Variants in KCNIP4 observed in about 807,000 individuals in gnomAD.
The protein encoded by KCNIP4 is potassium voltage-gated channel interacting protein 4.
Under a neutral mutation model 34.0 loss-of-function variants are expected in KCNIP4, and 12 were observed. The observed-to-expected ratio is 0.35, with a 90% CI of 0.23 to 0.57. KCNIP4 has a LOEUF of 0.57. Ranked by LOEUF, KCNIP4 falls within the 20% of genes least tolerant of loss-of-function variation. The pLI, the probability that KCNIP4 is intolerant of heterozygous loss-of-function variation, is 0.83. For missense variants in KCNIP4, 238 were observed against 311.7 expected, an observed-to-expected ratio of 0.76 and a Z score of 1.78; for synonymous variants, 124 against 102.2, an observed-to-expected ratio of 1.21 and a Z score of -1.29.
intron 3 of KCNIP4, among the ~76,000 whole-genome samples, chr4:20,838,074 T>A (rs1719288265): frequency 6.6e-6 from 1 of 152,136 alleles, no homozygotes; most frequent in Admixed American, 6.6e-5. Context: ...CATAGCAGTC[T>A]TATTACCACC....
At chr4:20,949,160 A>G (rs1233826665) in intron 1 of KCNIP4, among the ~76,000 whole-genome samples, 1 of 152,228 alleles carries the variant, frequency 6.6e-6, no homozygotes, top group Non-Finnish European at 1.5e-5. Flanking sequence ...GACTGCTCGC[A>G]TGAGAGGGAG....
At chr4:21,724,762 T>C (rs1715071718) in intron 1 of KCNIP4, among the ~76,000 whole-genome samples, 1 of 152,100 alleles carries the variant, frequency 6.6e-6, no homozygotes, top group Non-Finnish European at 1.5e-5. Context: ...GAAGAGATGA[T>C]GGAGACTGAA....
intron 3 of KCNIP4, among the ~76,000 whole-genome samples, chr4:20,839,392 A>C (rs1719452139): frequency 6.6e-6 from 1 of 151,618 alleles, no homozygotes; most frequent in African/African-American, 2.4e-5. Context: ...ATCTCTATAT[A>C]TCTATACACA....
At chr4:20,791,610 A>C (rs1387017680) in intron 3 of KCNIP4, among the ~76,000 whole-genome samples, 1 of 152,200 alleles carries the variant, frequency 6.6e-6, no homozygotes, top group East Asian at 1.9e-4. Flanking sequence ...GAAAAGTTAA[A>C]GATGTTTGCT....
At chr4:20,901,300 T>C (rs1201714370) in intron 1 of KCNIP4, among the ~76,000 whole-genome samples, 1 of 152,232 alleles carries the variant, frequency 6.6e-6, no homozygotes, top group Non-Finnish European at 1.5e-5. Flanking sequence ...TTTCTCTTTT[T>C]CTTTATGTCC....
intron 1 of KCNIP4, among the ~76,000 whole-genome samples, chr4:21,914,147 A>C (rs1728497076): frequency 6.6e-6 from 1 of 152,150 alleles, no homozygotes; most frequent in Admixed American, 6.6e-5. Context: ...AGAACTATCA[A>C]GTTTGGCATT....
chr4:21,285,191 A>AT (rs901138163), intron 1 of KCNIP4, among the ~76,000 whole-genome samples: 57 of 152,318 alleles, frequency 3.7e-4, no homozygotes, highest in African/African-American at 1.4e-3. Flanking sequence ...TGATACAAAT[A>AT]TTTTTTAATT....
chr4:21,749,436 C>T (rs1716999865), intron 1 of KCNIP4, among the ~76,000 whole-genome samples: 6 of 152,144 alleles, frequency 3.9e-5, no homozygotes. Context: ...CTTTTGTGTT[C>T]CAATGAAGGA....
At chr4:21,454,708 A>G (rs1006118653) in intron 1 of KCNIP4, among the ~76,000 whole-genome samples, 1 of 152,118 alleles carries the variant, frequency 6.6e-6, no homozygotes, top group Non-Finnish European at 1.5e-5. Context: ...GGCAATAAAG[A>G]ATTTTATTCA....
Position 21,085,902 on chromosome 4 carries a change from G to A in KCNIP4, c.62-203193C>T, listed in dbSNP as rs748116315. On this transcript the variant is annotated intron_variant, in intron 1 of 8. Transcript: ENST00000382152. ...TATCCTTCCATCATTGGTTAGGTTT[G>A]TTAACTCCACTGCATTTCCAGGTTA... 7.3e-4 allele frequency among the ~76,000 whole-genome samples: 111 copies of A among 152,296 alleles called. 1 individual carries two copies. The highest frequency in any genetic ancestry group is 9.1e-4 in the Non-Finnish European group (62 of 68,030).
intron 1 of KCNIP4, among the ~76,000 whole-genome samples, chr4:21,205,264 G>T (rs1756771788): frequency 6.6e-6 from 1 of 152,092 alleles, no homozygotes; most frequent in Non-Finnish European, 1.5e-5. Flanking sequence ...GTGTTGACGT[G>T]TATATATATG....
intron 1 of KCNIP4, among the ~76,000 whole-genome samples, chr4:21,205,687 T>C (rs1176749586): frequency 6.6e-6 from 1 of 152,200 alleles, no homozygotes; most frequent in Non-Finnish European, 1.5e-5. Flanking sequence ...CAGTCTTATC[T>C]CCATTTTATA....
At chr4:21,323,365 A>G (rs1714701015) in intron 1 of KCNIP4, among the ~76,000 whole-genome samples, 1 of 151,934 alleles carries the variant, frequency 6.6e-6, no homozygotes, top group Non-Finnish European at 1.5e-5. Flanking sequence ...TACTCACTTT[A>G]TAGAATGATA....
intron 1 of KCNIP4, among the ~76,000 whole-genome samples, chr4:21,386,436 A>T (rs1722042294): frequency 6.6e-6 from 1 of 152,182 alleles, no homozygotes; most frequent in Non-Finnish European, 1.5e-5. Flanking sequence ...CATAAAAAAA[A>T]AGAACTCAGG....
chr4:21,682,796 G>C (rs994728832), intron 1 of KCNIP4, among the ~76,000 whole-genome samples: 1 of 152,194 alleles, frequency 6.6e-6, no homozygotes, highest in East Asian at 1.9e-4. Context: ...TAGCTGGTCA[G>C]TGTAGCAGTC....
intron 1 of KCNIP4, among the ~76,000 whole-genome samples, chr4:21,040,352 C>T (rs10938827): frequency 0.2 from 30,424 of 152,062 alleles, 3,152 homozygotes; most frequent in African/African-American, 0.25. Context: ...AGACTATTTA[C>T]TCTGACATAT....
At chr4:21,468,565 C>G (rs1297922531) in intron 1 of KCNIP4, among the ~76,000 whole-genome samples, 1 of 152,154 alleles carries the variant, frequency 6.6e-6, no homozygotes, top group East Asian at 1.9e-4. Context: ...GCTCTTCAGT[C>G]CTAACACAGT....
In KCNIP4 at chr4:21,335,338, T is replaced by C. The variant is rs184754034; in HGVS notation, c.62-452629A>G. ...ATAATGCTCTTAGTAACTAAAATTT[T>C]ATAAAGAAATCCAGAAAGCACAATC... On this transcript the variant is annotated intron_variant, in intron 1 of 8. Transcript: ENST00000382152. Among the ~76,000 whole-genome samples the C allele has an allele frequency of 1.4e-4, 22 of 152,226 alleles. 1 individual carries two copies. The highest frequency in any genetic ancestry group is 1.4e-3 in the Admixed American group (22 of 15,274).
chr4:20,782,335 A>C (rs1299033993), intron 3 of KCNIP4, among the ~76,000 whole-genome samples: 1 of 152,156 alleles, frequency 6.6e-6, no homozygotes, highest in African/African-American at 2.4e-5. Flanking sequence ...GTGGTGTCCC[A>C]GTAGGGACTC....
Sources: allele counts gnomAD v4.1 joint callset (sites outside exome capture counted in the v4.1 genomes callset), GRCh38; gene constraint gnomAD v4.1.1; transcripts MANE v1.5; gene names NCBI Gene and HGNC (gene_info 2026-07-23, HGNC 2026-07-21).